Variants in C1orf94 observed in about 807,000 individuals in gnomAD.
C1orf94 encodes the protein chromosome 1 open reading frame 94.
C1orf94 carries 45 observed loss-of-function variants against 53.6 expected under a neutral mutation model. The observed-to-expected ratio is 0.84, with a 90% CI of 0.66 to 1.08. The LOEUF is 1.08. Among genes scored for constraint, C1orf94 ranks in the 50% least tolerant of loss-of-function variants. C1orf94 has a pLI of 0.00. For synonymous variants in C1orf94, 304 were observed against 296.1 expected, an observed-to-expected ratio of 1.03 and a Z score of -0.27; for missense variants, 762 against 738.9, an observed-to-expected ratio of 1.03 and a Z score of -0.36.
chr1:34,201,961 C>A, intron 3 of C1orf94, 123 bp from the exon 4 acceptor site: 1 of 914,284 alleles, frequency 1.1e-6, no homozygotes, highest in East Asian at 2.6e-5. Context: ...GAAGAACCCT[C>A]TTGGAGCTTA....
intron 4 of C1orf94, among the ~76,000 whole-genome samples, chr1:34,204,568 G>C (rs1044295352): frequency 6.6e-6 from 1 of 152,130 alleles, no homozygotes; most frequent in African/African-American, 2.4e-5. Context: ...TTACCAATAT[G>C]ATTCTACCCT....
intron 1 of C1orf94, among the ~76,000 whole-genome samples, chr1:34,169,950 C>G (rs1460142200): frequency 6.6e-6 from 1 of 152,196 alleles, no homozygotes; most frequent in African/African-American, 2.4e-5. Flanking sequence ...TGAGAAGGGG[C>G]CCACAGCCTA....
At chr1:34,168,161 C>G (rs1642078889) in intron 1 of C1orf94, among the ~76,000 whole-genome samples, 1 of 152,118 alleles carries the variant, frequency 6.6e-6, no homozygotes, top group African/African-American at 2.4e-5. Context: ...TAAAATTAAG[C>G]AAGATGCTCA....
Position 34,197,433 on chromosome 1 carries a change from T to C in C1orf94, c.529T>C (p.Ser177Pro). The C allele has an allele frequency of 6.2e-7, 1 of 1,613,944 alleles. No homozygotes were observed. Among genetic ancestry groups the C allele is most frequent in the Non-Finnish European group, 8.5e-7 (1 of 1,179,892 alleles). The change falls in exon 2 of 7, where the codon TCC (serine) becomes CCC (proline). Residue 177 changes from serine (S) to proline (P), a missense_variant. By Grantham distance (74) the Ser-to-Pro change is moderately conservative (BLOSUM62 -1). Transcript: ENST00000488417. The surrounding 1 kb of genome is among the most constrained non-coding windows in gnomAD (Gnocchi z 4.1). ...AGGCAGTAATGAGCGCCCCAGAGCC[T>C]CCATCATTGTCGGAGACAAGCTTCT... is the stretch of plus-strand genomic sequence containing the variant. ...VAGSNERPRA[S>P]IIVGDKLLKQ...
intron 5 of C1orf94, among the ~76,000 whole-genome samples, chr1:34,208,961 C>T (rs1057468619): frequency 1.3e-5 from 2 of 152,146 alleles, no homozygotes; most frequent in Non-Finnish European, 2.9e-5. Context: ...AGTTAAAATC[C>T]AGGACACCCA....
chr1:34,169,315 C>A (rs983363542), intron 1 of C1orf94, among the ~76,000 whole-genome samples: 2 of 152,054 alleles, frequency 1.3e-5, no homozygotes, highest in African/African-American at 4.8e-5. Flanking sequence ...CTCAGCCCAG[C>A]CCCAAGTGCT....
intron 1 of C1orf94, among the ~76,000 whole-genome samples, chr1:34,184,909 GA>G (rs1265307562): frequency 3.9e-5 from 6 of 152,112 alleles, no homozygotes; most frequent in African/African-American, 1.4e-4. Context: ...CTCAGATACG[GA>G]AACTCAGGCT....
intron 2 of C1orf94, among the ~76,000 whole-genome samples, chr1:34,198,950 A>T (rs1200331738): frequency 6.6e-6 from 1 of 152,186 alleles, no homozygotes; most frequent in Non-Finnish European, 1.5e-5. Context: ...GGACCCATAG[A>T]TATTTCCCTG....
chr1:34,209,128 A>C (rs1019816061), intron 5 of C1orf94, among the ~76,000 whole-genome samples: 1 of 152,198 alleles, frequency 6.6e-6, no homozygotes, highest in Admixed American at 6.5e-5. Context: ...ATCTGGCAAC[A>C]CTACTTTCAT....
intron 1 of C1orf94, among the ~76,000 whole-genome samples, chr1:34,194,037 G>T: frequency 6.6e-6 from 1 of 152,214 alleles, no homozygotes; most frequent in East Asian, 1.9e-4. Context: ...GTTGCAGCTG[G>T]GGGGGACATG....
intron 1 of C1orf94, among the ~76,000 whole-genome samples, chr1:34,169,596 T>TGA (rs568952022): frequency 0.049 from 4,762 of 97,342 alleles, 273 homozygotes; most frequent in Middle Eastern, 0.07. Flanking sequence ...CTTCTGAAGC[T>TGA]GAGAGAGAGA....
At chr1:34,170,278 C>T (rs1013028000) in intron 1 of C1orf94, among the ~76,000 whole-genome samples, 1 of 152,170 alleles carries the variant, frequency 6.6e-6, no homozygotes, top group Non-Finnish European at 1.5e-5. Flanking sequence ...TAAGACATTC[C>T]CATGGCCCCT....
At position 34,187,141 on chromosome 1, in the gene C1orf94, A is replaced by G. The variant is rs990952985; in HGVS notation, c.320+9032A>G. ...TTTTCTTGAGTACTTTATAGGTGCC[A>G]GGCTCTATATTTTCATTTTCTGCTT... On this transcript the variant is annotated intron_variant, in intron 1 of 6. Coordinates refer to ENST00000488417, the MANE Select transcript of C1orf94 (RefSeq NM_001134734.2). Among the ~76,000 whole-genome samples, 12 of 152,284 alleles carry G rather than the reference A, an allele frequency of 7.9e-5. No individual in the cohort carries two copies. In the East Asian group the frequency reaches 2.3e-3, roughly 29 times the overall value.
intron 1 of C1orf94, among the ~76,000 whole-genome samples, chr1:34,182,843 C>T (rs1405462445): frequency 6.6e-6 from 1 of 151,946 alleles, no homozygotes; most frequent in Non-Finnish European, 1.5e-5. Flanking sequence ...TGAAGTAATT[C>T]CCCAAATGCT....
At chr1:34,187,127 AC>A (rs915577959) in intron 1 of C1orf94, among the ~76,000 whole-genome samples, 1 of 152,144 alleles carries the variant, frequency 6.6e-6, no homozygotes, top group Non-Finnish European at 1.5e-5. Context: ...TTTCTTGAGT[AC>A]TTTATAGGTG....
intron 4 of C1orf94, among the ~76,000 whole-genome samples, chr1:34,202,564 C>T (rs901251343): frequency 1.3e-5 from 2 of 152,208 alleles, no homozygotes; most frequent in Non-Finnish European, 2.9e-5. Context: ...CCAGTTCACA[C>T]TGTGCTCTTT....
At chr1:34,192,097 T>C (rs1642503097) in intron 1 of C1orf94, among the ~76,000 whole-genome samples, 1 of 152,084 alleles carries the variant, frequency 6.6e-6, no homozygotes, top group Non-Finnish European at 1.5e-5. Context: ...TGTGATAGAT[T>C]AGGTGGTTTT....
chr1:34,171,126 C>A (rs1642139825), intron 1 of C1orf94, among the ~76,000 whole-genome samples: 1 of 152,184 alleles, frequency 6.6e-6, no homozygotes, highest in Admixed American at 6.5e-5. Context: ...CCCTGCTAGA[C>A]CCTCCCTACA....
chr1:34,192,794 G>A (rs1677749), intron 1 of C1orf94, among the ~76,000 whole-genome samples: 20,146 of 152,092 alleles, frequency 0.13, 1,888 homozygotes, highest in African/African-American at 0.27. Flanking sequence ...AGGGACACTG[G>A]GGGGTTGCAG....
Sources: allele counts gnomAD v4.1 joint callset (sites outside exome capture counted in the v4.1 genomes callset), GRCh38; gene constraint gnomAD v4.1.1; non-coding constraint Gnocchi (gnomAD v3.1); transcripts MANE v1.5; gene names NCBI Gene and HGNC (gene_info 2026-07-23, HGNC 2026-07-21).